The following MAP3K5 variants were observed in gnomAD, a reference collection of about 807,000 sequenced individuals.
MAP3K5 encodes the protein mitogen-activated protein kinase kinase kinase 5.
MAP3K5 carries 56 observed loss-of-function variants against 158.7 expected under a neutral mutation model. That is an observed-to-expected ratio of 0.35 (90% confidence interval 0.28 to 0.44). The LOEUF is 0.44. MAP3K5 is among the 20% of genes least tolerant of loss of function. The pLI is 1.00. For missense variants in MAP3K5, 1,294 were observed against 1,674.8 expected, an observed-to-expected ratio of 0.77 and a Z score of 3.97; for synonymous variants, 579 against 601.7, an observed-to-expected ratio of 0.96 and a Z score of 0.55.
intron 18 of MAP3K5, among the ~76,000 whole-genome samples, chr6:136,610,142 T>A (rs1386520923): frequency 6.6e-6 from 1 of 150,866 alleles, no homozygotes; most frequent in Non-Finnish European, 1.5e-5. Flanking sequence ...CCTTACCCTT[T>A]TTTTTTTCCT....
chr6:136,673,234 C>T (rs1181107474), intron 7 of MAP3K5, among the ~76,000 whole-genome samples: 1 of 152,188 alleles, frequency 6.6e-6, no homozygotes, highest in Non-Finnish European at 1.5e-5. Flanking sequence ...CCCGACTCAA[C>T]TGCATTTGTT....
At chr6:136,697,117 G>A in intron 5 of MAP3K5, 102 bp downstream of exon 5, 1 of 902,658 alleles carries the variant, frequency 1.1e-6, no homozygotes. Context: ...ATTACGTGTA[G>A]TAACATGAAC....
intron 1 of MAP3K5, among the ~76,000 whole-genome samples, chr6:136,781,541 T>C (rs1784612629): frequency 6.6e-6 from 1 of 152,220 alleles, no homozygotes; most frequent in South Asian, 2.1e-4. Context: ...ATCTGTATTG[T>C]TTGGAAGTTG....
chr6:136,759,660 C>T (rs561180122), intron 1 of MAP3K5, among the ~76,000 whole-genome samples: 4 of 151,002 alleles, frequency 2.6e-5, no homozygotes, highest in South Asian at 2.1e-4. Flanking sequence ...TTTGTAGAAA[C>T]GAGGTTTTTG....
At chr6:136,669,241 C>A in intron 8 of MAP3K5, 42 bp downstream of exon 8, 1 of 1,288,110 alleles carries the variant, frequency 7.8e-7, no homozygotes, top group South Asian at 1.2e-5. Flanking sequence ...CAAGTTGGGT[C>A]CAGTTTCTTG....
At chr6:136,741,133 T>C (rs1042086540) in intron 1 of MAP3K5, among the ~76,000 whole-genome samples, 4 of 152,222 alleles carry the variant, frequency 2.6e-5, no homozygotes, top group Non-Finnish European at 5.9e-5. Context: ...TGAAACTATA[T>C]CCAGGCAAAT....
At chr6:136,789,672 CCTCTT>C (rs1784987517) in intron 1 of MAP3K5, among the ~76,000 whole-genome samples, 1 of 136,220 alleles carries the variant, frequency 7.3e-6, no homozygotes. Flanking sequence ...CCAAGCACAA[CCTCTT>C]TTTTTTTTTT....
intron 1 of MAP3K5, among the ~76,000 whole-genome samples, chr6:136,785,499 T>C (rs1023933253): frequency 2.0e-5 from 3 of 152,040 alleles, no homozygotes; most frequent in Non-Finnish European, 2.9e-5. Flanking sequence ...GGTAAGGAAA[T>C]GGGAAGCAGG....
At chr6:136,763,703 T>A (rs1272493561) in intron 1 of MAP3K5, among the ~76,000 whole-genome samples, 3 of 152,206 alleles carry the variant, frequency 2.0e-5, no homozygotes, top group Admixed American at 2.0e-4. Flanking sequence ...GAGCTACTGC[T>A]GTGGTTTGAA....
intron 1 of MAP3K5, among the ~76,000 whole-genome samples, chr6:136,730,135 T>A (rs77236157): frequency 6.8e-6 from 1 of 146,840 alleles, no homozygotes; most frequent in Admixed American, 6.8e-5. Flanking sequence ...ACCATACCTG[T>A]TTTTTTGTTG....
intron 1 of MAP3K5, among the ~76,000 whole-genome samples, chr6:136,732,557 A>G (rs1015966630): frequency 6.6e-6 from 1 of 152,238 alleles, no homozygotes; most frequent in African/African-American, 2.4e-5. Flanking sequence ...ACTTGCTGAT[A>G]GACAGCTGGT....
chr6:136,778,668 T>A (rs1405702804), intron 1 of MAP3K5, among the ~76,000 whole-genome samples: 1 of 152,206 alleles, frequency 6.6e-6, no homozygotes, highest in Admixed American at 6.5e-5. Context: ...GAAAATGTAT[T>A]TCTGTGAGAC....
chr6:136,646,042 C>T (rs1212755327), intron 11 of MAP3K5, among the ~76,000 whole-genome samples: 1 of 151,868 alleles, frequency 6.6e-6, no homozygotes, highest in African/African-American at 2.4e-5. Context: ...ATTGCTTGTC[C>T]TCCTTCCAAT....
intron 7 of MAP3K5, among the ~76,000 whole-genome samples, chr6:136,682,075 G>A (rs907005581): frequency 6.6e-6 from 1 of 152,190 alleles, no homozygotes; most frequent in Non-Finnish European, 1.5e-5. Context: ...TGGACACACT[G>A]TGTGTTTTAC....
chr6:136,692,071 C>CT (rs201011698), intron 7 of MAP3K5, among the ~76,000 whole-genome samples: 3,550 of 149,524 alleles, frequency 0.024, 124 homozygotes, highest in African/African-American at 0.084. Flanking sequence ...TCTTTTTTTT[C>CT]TTTTTTTCTT....
chr6:136,569,176 C>T (rs1256592251), intron 25 of MAP3K5, among the ~76,000 whole-genome samples: 1 of 152,146 alleles, frequency 6.6e-6, no homozygotes, highest in East Asian at 1.9e-4. Flanking sequence ...AAACAACAGG[C>T]CATAAAGGAA....
At chr6:136,711,437 G>A (rs4895468) in intron 2 of MAP3K5, among the ~76,000 whole-genome samples, 64,730 of 151,944 alleles carry the variant, frequency 0.43, 14,945 homozygotes, top group Non-Finnish European at 0.51. Flanking sequence ...GGCAGAGGCA[G>A]GCAGATCACT....
chr6:136,585,469 T>TTTTATTTATTTA (rs1554280758), intron 23 of MAP3K5, among the ~76,000 whole-genome samples: 1 of 131,426 alleles, frequency 7.6e-6, no homozygotes, highest in Non-Finnish European at 1.6e-5. Context: ...CTTTCTTTTC[T>TTTTATTTATTTA]TTTCTTTATT....
intron 25 of MAP3K5, among the ~76,000 whole-genome samples, chr6:136,574,661 C>T (rs1039826993): frequency 4.8e-5 from 7 of 144,964 alleles, no homozygotes; most frequent in African/African-American, 1.5e-4. Context: ...CTGTGTGCTC[C>T]TTTTGGAAAA....
Sources: allele counts gnomAD v4.1 joint callset (sites outside exome capture counted in the v4.1 genomes callset), GRCh38; gene constraint gnomAD v4.1.1; transcripts MANE v1.5; gene names NCBI Gene and HGNC (gene_info 2026-07-23, HGNC 2026-07-21).